The following CFAP210 variants were observed in gnomAD, a reference collection of about 807,000 sequenced individuals.
CFAP210 encodes the protein cilia- and flagella- associated protein 210.
At chr2:169,655,566 A>G in the CFAP210 span, among the ~76,000 whole-genome samples, 1 of 151,328 alleles carries the variant, frequency 6.6e-6, no homozygotes, top group Non-Finnish European at 1.5e-5. Context: ...GTTTTCTCCA[A>G]GTTTATTCTA....
the CFAP210 span, among the ~76,000 whole-genome samples, chr2:169,679,680 CAAAAAAAAAAAA>C: frequency 1.7e-5 from 1 of 57,494 alleles, no homozygotes; most frequent in Non-Finnish European, 3.1e-5. Flanking sequence ...GACTCCATCT[CAAAAAAAAAAAA>C]AAAAAAAAAA....
At chr2:169,670,174 A>G in the CFAP210 span, among the ~76,000 whole-genome samples, 1 of 152,220 alleles carries the variant, frequency 6.6e-6, no homozygotes, top group African/African-American at 2.4e-5. Flanking sequence ...TATATATAGA[A>G]GAAAGAAGAC....
At chr2:169,690,286 G>A in the CFAP210 span, among the ~76,000 whole-genome samples, 1 of 152,184 alleles carries the variant, frequency 6.6e-6, no homozygotes, top group African/African-American at 2.4e-5. Context: ...CTTATAGAAT[G>A]AGCTGGAAAG....
At chr2:169,689,689 A>G in the CFAP210 span, among the ~76,000 whole-genome samples, 2 of 152,116 alleles carry the variant, frequency 1.3e-5, no homozygotes, top group Non-Finnish European at 2.9e-5. Context: ...TCTTTTCCTG[A>G]TCAGGGTTTC....
chr2:169,655,248 TCAGCCACCAGAGTAGCTGGGGCTA>T, the CFAP210 span, among the ~76,000 whole-genome samples: 1 of 152,150 alleles, frequency 6.6e-6, no homozygotes, highest in Non-Finnish European at 1.5e-5. Flanking sequence ...AACTCCCACC[TCAGCCACCAGAGTAGCTGGGGCTA>T]CAGGCACGAG....
At chr2:169,647,646 A>C in the CFAP210 span, among the ~76,000 whole-genome samples, 1 of 152,208 alleles carries the variant, frequency 6.6e-6, no homozygotes, top group Non-Finnish European at 1.5e-5. Flanking sequence ...AATCAGAAGG[A>C]TTCCAAATAC....
the CFAP210 span, among the ~76,000 whole-genome samples, chr2:169,687,769 C>G: frequency 1.3e-5 from 2 of 152,244 alleles, no homozygotes; most frequent in African/African-American, 4.8e-5. Flanking sequence ...CACAGCTCCA[C>G]TAGATAATGC....
At chr2:169,645,516 G>A in the CFAP210 span, 1 of 199,884 alleles carries the variant, frequency 5.0e-6, no homozygotes, top group Non-Finnish European at 1.0e-5. Flanking sequence ...GGGAGTGACT[G>A]CTTAATGAAT....
chr2:169,648,192 T>TGG, the CFAP210 span: 2 of 131,630 alleles, frequency 1.5e-5, no homozygotes, highest in Admixed American at 8.9e-5. Context: ...AAAAAAAAAG[T>TGG]GAAAACCAAA....
the CFAP210 span, among the ~76,000 whole-genome samples, chr2:169,678,779 C>T: frequency 6.6e-6 from 1 of 151,450 alleles, no homozygotes; most frequent in African/African-American, 2.4e-5. Flanking sequence ...GAGCCGAGAT[C>T]ACACCACTGC....
the CFAP210 span, among the ~76,000 whole-genome samples, chr2:169,671,071 G>T: frequency 1.3e-3 from 205 of 152,246 alleles, 1 homozygote; most frequent in African/African-American, 4.8e-3. Context: ...AAAGAAGACA[G>T]TCATTCCAAA....
the CFAP210 span, chr2:169,654,226 A>C: frequency 6.4e-7 from 1 of 1,554,860 alleles, no homozygotes; most frequent in East Asian, 2.3e-5. Flanking sequence ...TTGGGGGAAA[A>C]ATTGTATATA....
chr2:169,651,218 CTCTG>C, the CFAP210 span, among the ~76,000 whole-genome samples: 1 of 110,818 alleles, frequency 9.0e-6, no homozygotes, highest in Non-Finnish European at 1.8e-5. Context: ...CAGAGCAAGA[CTCTG>C]TCTGAAAAAA....
At chr2:169,656,538 T>C in the CFAP210 span, among the ~76,000 whole-genome samples, 7 of 151,376 alleles carry the variant, frequency 4.6e-5, no homozygotes, top group Admixed American at 4.6e-4. Flanking sequence ...AGACAGGAAA[T>C]AGAGTACTCC....
chr2:169,679,038 T>C, the CFAP210 span, among the ~76,000 whole-genome samples: 11 of 152,224 alleles, frequency 7.2e-5, no homozygotes, highest in East Asian at 1.9e-4. Context: ...TGAATATATA[T>C]ACGCAAGTGG....
At chr2:169,664,514 G>A in the CFAP210 span, among the ~76,000 whole-genome samples, 8 of 152,308 alleles carry the variant, frequency 5.3e-5, no homozygotes, top group South Asian at 1.0e-3. Context: ...TTAATTAGCT[G>A]TCAAAAGGGA....
the CFAP210 span, among the ~76,000 whole-genome samples, chr2:169,665,171 G>T: frequency 6.6e-6 from 1 of 152,162 alleles, no homozygotes; most frequent in Non-Finnish European, 1.5e-5. Context: ...TTATCAGCCT[G>T]TACAGATGTA....
chr2:169,675,122 G>C, the CFAP210 span: 1 of 982,366 alleles, frequency 1.0e-6, no homozygotes, highest in Non-Finnish European at 1.4e-6. Context: ...ATGATAATTT[G>C]AGCTTTTATG....
chr2:169,646,015 T>A, the CFAP210 span: 1 of 1,613,938 alleles, frequency 6.2e-7, no homozygotes, highest in South Asian at 1.1e-5. Flanking sequence ...CCTGTACAGC[T>A]TTTACAAGAG....
Sources: gnomAD v4.1 joint callset for allele counts (sites outside exome capture counted in the v4.1 genomes callset) on GRCh38, gnomAD v4.1.1 for gene constraint, MANE v1.5 for transcripts, NCBI Gene and HGNC (gene_info 2026-07-23, HGNC 2026-07-21) for gene names.